Variants in RPS6KA2 observed in about 807,000 individuals in gnomAD.
RPS6KA2 encodes ribosomal protein S6 kinase alpha-2.
A neutral mutation model predicts 91.8 loss-of-function variants in RPS6KA2; 42 were observed. That is an observed-to-expected ratio of 0.46 (90% confidence interval 0.36 to 0.59). RPS6KA2 has a LOEUF of 0.59. Ranked by LOEUF, RPS6KA2 falls within the 20% of genes least tolerant of loss-of-function variation. The pLI is 0.00. For synonymous variants in RPS6KA2, 414 were observed against 393.6 expected (o/e 1.05, Z -0.61); for missense variants, 798 against 978.5 (o/e 0.82, Z 2.46).
At chr6:166,776,043 C>T (rs1375055698) in intron 2 of RPS6KA2, among the ~76,000 whole-genome samples, 1 of 152,150 alleles carries the variant, frequency 6.6e-6, no homozygotes, top group Non-Finnish European at 1.5e-5. Context: ...GTGTGCCTCT[C>T]CCCAGCCACA....
chr6:166,424,409 G>GAC (rs1263640759), intron 16 of RPS6KA2, among the ~76,000 whole-genome samples: 1 of 152,232 alleles, frequency 6.6e-6, no homozygotes, highest in African/African-American at 2.4e-5. Flanking sequence ...GTTTGGAGAT[G>GAC]ACTGCATTCT....
In RPS6KA2 at chr6:166,852,817, T is replaced by C. The variant is rs986945782; in HGVS notation, c.123+5383A>G. 6.6e-6 allele frequency among the ~76,000 whole-genome samples: 1 copy of C among 152,126 alleles called. No individual in the cohort carries two copies. The highest frequency in any genetic ancestry group is 2.4e-5 in the African/African-American group (1 of 41,422). On this transcript the variant is annotated intron_variant, in intron 2 of 21. Coordinates refer to the RPS6KA2 transcript ENST00000503859. This position sits in a 1 kb window ranked among gnomAD's most constrained non-coding sequence, Gnocchi z 4.1. ...CTCTGTGACCTCTCAGCTGGTGCTG[T>C]GTCTTCAGCACCCTCCTTGGCTCAA...
chr6:166,488,553 A>T (rs1781487955), intron 10 of RPS6KA2, among the ~76,000 whole-genome samples: 1 of 152,256 alleles, frequency 6.6e-6, no homozygotes, highest in Non-Finnish European at 1.5e-5. Context: ...GGGAAGTCAG[A>T]TTGGTTGAAG....
At chr6:166,748,545 CCCTTGGGCCCCCACCT>C (rs1791103531) in intron 2 of RPS6KA2, among the ~76,000 whole-genome samples, 1 of 108,044 alleles carries the variant, frequency 9.3e-6, no homozygotes, top group Non-Finnish European at 1.9e-5. Context: ...GCCCCCCATC[CCCTTGGGCCCCCACCT>C]CCTCAGGCCC....
intron 17 of RPS6KA2, among the ~76,000 whole-genome samples, chr6:166,421,624 T>A (rs1235889402): frequency 6.6e-6 from 1 of 152,142 alleles, no homozygotes; most frequent in African/African-American, 2.4e-5. Flanking sequence ...CTAAAAATTC[T>A]CTGTTCTTTG....
At chr6:166,675,574 A>T (rs1788598185) in intron 2 of RPS6KA2, among the ~76,000 whole-genome samples, 1 of 151,822 alleles carries the variant, frequency 6.6e-6, no homozygotes, top group African/African-American at 2.4e-5. Flanking sequence ...GGTCCCCTCC[A>T]CAGCCATGGA....
At position 166,419,735 on chromosome 6, in the gene RPS6KA2, A is replaced by T; in HGVS notation, c.1820+147T>A. On this transcript the variant is annotated intron_variant, in intron 18 of 20. Transcript: ENST00000265678. This position sits in a 1 kb window ranked among gnomAD's most constrained non-coding sequence, Gnocchi z 5.6. ...GGGCTAAGAAAGTCTGCGAGTGTTC[A>T]CTCAAGGCCTGGGAGTGTTTGCATA... is the stretch of plus-strand genomic sequence containing the variant. 1.6e-6 allele frequency: 1 copy of T among 623,084 alleles called. No homozygotes were observed. The highest frequency in any genetic ancestry group is 2.9e-6 in the Non-Finnish European group (1 of 346,148). The allele number at this position is 623,084 out of a possible 1,614,324, so 38.6% of individuals were successfully genotyped here.
chr6:166,750,520 C>A (rs909001533), intron 2 of RPS6KA2, among the ~76,000 whole-genome samples: 1 of 152,218 alleles, frequency 6.6e-6, no homozygotes, highest in African/African-American at 2.4e-5. Context: ...CCAGGCTCTG[C>A]GCTTGCTGGC....
intron 10 of RPS6KA2, 26 bp downstream of exon 10, chr6:166,488,807 T>G (rs1402902875): frequency 6.3e-7 from 1 of 1,587,608 alleles, no homozygotes; most frequent in Non-Finnish European, 8.6e-7. Context: ...CACGTTCCCG[T>G]GGTGGGGTGT....
chr6:166,444,835 A>C (rs1779628164), intron 14 of RPS6KA2, among the ~76,000 whole-genome samples: 2 of 152,162 alleles, frequency 1.3e-5, no homozygotes, highest in Non-Finnish European at 1.5e-5. Flanking sequence ...ATTGGTCTTA[A>C]TTTTAGTCCT....
chr6:166,586,132 C>A, intron 1 of RPS6KA2: 2 of 1,501,274 alleles, frequency 1.3e-6, no homozygotes, highest in Non-Finnish European at 1.8e-6. Context: ...CAGTAGTAAC[C>A]GTAAGGAGGC....
intron 2 of RPS6KA2, among the ~76,000 whole-genome samples, chr6:166,761,101 T>C (rs1350547006): frequency 6.6e-6 from 1 of 152,224 alleles, no homozygotes; most frequent in Non-Finnish European, 1.5e-5. Flanking sequence ...TCTTGCTCTG[T>C]TGCCCAGGCT....
At chr6:166,851,593 C>G (rs1362559335) in intron 2 of RPS6KA2, among the ~76,000 whole-genome samples, 1 of 152,168 alleles carries the variant, frequency 6.6e-6, no homozygotes, top group Non-Finnish European at 1.5e-5. Context: ...GGTGAGTGCT[C>G]CGCTCCAGGC....
At chr6:166,436,591 T>G (rs1287019020) in intron 14 of RPS6KA2, among the ~76,000 whole-genome samples, 3 of 152,240 alleles carry the variant, frequency 2.0e-5, no homozygotes, top group Non-Finnish European at 4.4e-5. Context: ...CTTCCCACTC[T>G]TGTCCTGTGG....
intron 1 of RPS6KA2, among the ~76,000 whole-genome samples, chr6:166,543,872 G>T (rs1783738751): frequency 7.9e-6 from 1 of 126,968 alleles, no homozygotes; most frequent in Admixed American, 8.4e-5. Context: ...GTGAGTGTGT[G>T]TGAGACAGGT....
intron 14 of RPS6KA2, among the ~76,000 whole-genome samples, chr6:166,443,112 C>T (rs1779571776): frequency 6.6e-6 from 1 of 151,876 alleles, no homozygotes. Flanking sequence ...ATTAAGAATA[C>T]AGTATATAAT....
intron 2 of RPS6KA2, among the ~76,000 whole-genome samples, chr6:166,738,783 A>C (rs1327266377): frequency 6.6e-6 from 1 of 152,224 alleles, no homozygotes; most frequent in Non-Finnish European, 1.5e-5. Context: ...GCAAAAGAAA[A>C]GTATTAATAG....
chr6:166,745,448 G>T (rs933520764), intron 2 of RPS6KA2, among the ~76,000 whole-genome samples: 1 of 152,102 alleles, frequency 6.6e-6, no homozygotes, highest in Admixed American at 6.5e-5. Context: ...CACTGCACCC[G>T]GCCCTAATCT....
intron 1 of RPS6KA2, chr6:166,542,409 T>C (rs2128496535): frequency 6.6e-6 from 1 of 152,362 alleles, no homozygotes; most frequent in East Asian, 1.9e-4. Flanking sequence ...GCTGCATCCA[T>C]GGCAGGAGCA....
Sources: allele counts gnomAD v4.1 joint callset (sites outside exome capture counted in the v4.1 genomes callset), GRCh38; gene constraint gnomAD v4.1.1; non-coding constraint Gnocchi (gnomAD v3.1); transcripts MANE v1.5; gene names NCBI Gene and HGNC (gene_info 2026-07-23, HGNC 2026-07-21).